The following KLF12 variants were observed in gnomAD, a reference collection of about 807,000 sequenced individuals.
KLF12 encodes KLF transcription factor 12.
KLF12 carries 9 observed loss-of-function variants against 37.8 expected under a neutral mutation model. The ratio of observed to expected loss-of-function variants is 0.24; its 90% CI spans 0.14 to 0.42. The LOEUF (loss-of-function observed/expected upper bound fraction) is 0.42. Among genes scored for constraint, KLF12 ranks in the 10% least tolerant of loss-of-function variants. The probability of loss-of-function intolerance (pLI) is 1.00; values close to 1 mark genes in which losing one functional copy is unlikely to be tolerated. For missense variants in KLF12, 411 were observed against 516.0 expected, an observed-to-expected ratio of 0.80 and a Z score of 1.97; for synonymous variants, 208 against 202.1, an observed-to-expected ratio of 1.03 and a Z score of -0.25.
chr13:74,270,846 G>A, the KLF12 span, among the ~76,000 whole-genome samples: 1 of 152,090 alleles, frequency 6.6e-6, no homozygotes, highest in African/African-American at 2.4e-5. Flanking sequence ...GGTAGTTAGG[G>A]TTAGACTTGC....
the KLF12 span, among the ~76,000 whole-genome samples, chr13:74,168,990 G>C: frequency 1.2e-4 from 19 of 152,126 alleles, no homozygotes; most frequent in Non-Finnish European, 2.4e-4. Flanking sequence ...ACCAGCCGTG[G>C]CTGGAGACAG....
At chr13:74,022,759 C>T (rs576998944) in intron 1 of KLF12, among the ~76,000 whole-genome samples, 6 of 151,512 alleles carry the variant, frequency 4.0e-5, no homozygotes, top group South Asian at 2.1e-4. Flanking sequence ...CAACATATAA[C>T]GTATTGGCCG....
chr13:73,867,604 G>GA (rs1366468581), intron 3 of KLF12, among the ~76,000 whole-genome samples: 1 of 24,700 alleles, frequency 4.0e-5, no homozygotes. Flanking sequence ...ATAGAAGACA[G>GA]GGGGAAAAAA....
intron 2 of KLF12, among the ~76,000 whole-genome samples, chr13:73,957,468 T>C (rs142228256): frequency 2.6e-4 from 39 of 152,316 alleles, no homozygotes; most frequent in African/African-American, 9.4e-4. Flanking sequence ...GCCCCATTCT[T>C]AGACATGGCC....
intron 1 of KLF12, among the ~76,000 whole-genome samples, chr13:74,115,966 C>T (rs1374676461): frequency 6.6e-6 from 1 of 152,138 alleles, no homozygotes; most frequent in Non-Finnish European, 1.5e-5. Context: ...TTCACATATT[C>T]CCAGGATTCA....
rs764303635 is a variant in KLF12, at chr13:73,944,063, T to C, written c.41A>G (p.Asn14Ser). ...CATTAACATTCTGTTCTCAAAGGTG[T>C]TGATATTCTGAGAATAGAAGGGAGA... is the stretch of plus-strand genomic sequence containing the variant. Residue 14 changes from asparagine (N) to serine (S), a missense_variant, in exon 3 of 8, where the codon AAC becomes AGC. By Grantham distance (46) the Asn-to-Ser change is conservative. Around this residue, in one of 2 missense-constraint regions of KLF12, gnomAD observed 351 missense variants for 397.8 expected, o/e 0.88. Transcript: ENST00000377669. The C allele has an allele frequency of 1.2e-6, 2 of 1,602,820 alleles. No individual in the cohort carries two copies. The highest frequency in any genetic ancestry group is 2.2e-5 in the South Asian group (2 of 90,824).
At chr13:74,013,499 A>T (rs1369815000) in intron 1 of KLF12, among the ~76,000 whole-genome samples, 1 of 152,338 alleles carries the variant, frequency 6.6e-6, no homozygotes, top group African/African-American at 2.4e-5. Context: ...TAATTTTAAA[A>T]TATTTCTGTA....
At chr13:74,237,595 G>C in the KLF12 span, among the ~76,000 whole-genome samples, 1 of 150,070 alleles carries the variant, frequency 6.7e-6, no homozygotes, top group Non-Finnish European at 1.5e-5. Context: ...TCTTCCATTT[G>C]TTTGTATCCT....
At chr13:73,791,868 T>C (rs188631736) in intron 5 of KLF12, among the ~76,000 whole-genome samples, 257 of 152,350 alleles carry the variant, frequency 1.7e-3, no homozygotes, top group Non-Finnish European at 2.9e-3. Flanking sequence ...AACAGGAATC[T>C]AGTTCATCGG....
At chr13:73,860,288 G>C (rs988470354) in intron 3 of KLF12, among the ~76,000 whole-genome samples, 1 of 152,126 alleles carries the variant, frequency 6.6e-6, no homozygotes, top group Non-Finnish European at 1.5e-5. Context: ...TTTCTCTTAC[G>C]AGGCGGCCAT....
the KLF12 span, among the ~76,000 whole-genome samples, chr13:74,302,444 G>T: frequency 6.6e-6 from 1 of 152,144 alleles, no homozygotes; most frequent in Non-Finnish European, 1.5e-5. Flanking sequence ...GGCAATTACA[G>T]TTATCAGTGT....
At chr13:74,213,108 C>T in the KLF12 span, among the ~76,000 whole-genome samples, 56 of 152,218 alleles carry the variant, frequency 3.7e-4, no homozygotes, top group African/African-American at 1.3e-3. Context: ...ATACATAATT[C>T]TACCCAGAGA....
chr13:73,834,732 G>A (rs1884337812), intron 4 of KLF12, among the ~76,000 whole-genome samples: 1 of 152,036 alleles, frequency 6.6e-6, no homozygotes, highest in Non-Finnish European at 1.5e-5. Flanking sequence ...GGCTGGTCTC[G>A]AACTTCTGAC....
intron 3 of KLF12, among the ~76,000 whole-genome samples, chr13:73,916,992 T>C (rs1302598207): frequency 6.6e-6 from 1 of 152,164 alleles, no homozygotes; most frequent in Admixed American, 6.5e-5. Context: ...ACATGCACAC[T>C]AATATTCCGT....
intron 3 of KLF12, among the ~76,000 whole-genome samples, chr13:73,904,917 G>A (rs1888204613): frequency 6.7e-6 from 1 of 149,734 alleles, no homozygotes; most frequent in South Asian, 2.1e-4. Flanking sequence ...AAAAAATCCT[G>A]TGCTTTAACA....
At chr13:74,046,412 C>A (rs1023458220) in intron 1 of KLF12, among the ~76,000 whole-genome samples, 2 of 151,842 alleles carry the variant, frequency 1.3e-5, no homozygotes, top group Non-Finnish European at 2.9e-5. Flanking sequence ...AAAGGCTACA[C>A]CACTTAAAAA....
intron 1 of KLF12, among the ~76,000 whole-genome samples, chr13:74,087,967 G>A (rs1875414726): frequency 1.3e-5 from 2 of 151,798 alleles, no homozygotes; most frequent in Admixed American, 1.3e-4. Flanking sequence ...ACTGATGAGG[G>A]GCATGACCCA....
the KLF12 span, among the ~76,000 whole-genome samples, chr13:74,188,040 T>C: frequency 7.5e-4 from 115 of 152,344 alleles, 1 homozygote; most frequent in Non-Finnish European, 1.0e-3. Context: ...GTTCTTATTA[T>C]GTAGAACATG....
intron 6 of KLF12, among the ~76,000 whole-genome samples, chr13:73,736,711 C>T (rs1412340464): frequency 6.6e-6 from 1 of 152,124 alleles, no homozygotes; most frequent in African/African-American, 2.4e-5. Flanking sequence ...TGGGTTGCTT[C>T]CATGCAGGGT....
Sources: allele counts gnomAD v4.1 joint callset (sites outside exome capture counted in the v4.1 genomes callset), GRCh38; gene constraint gnomAD v4.1.1; regional missense constraint gnomAD v4.1.1; transcripts MANE v1.5; gene names NCBI Gene and HGNC (gene_info 2026-07-23, HGNC 2026-07-21).